The following COL11A1 variants were observed in gnomAD, a reference collection of about 807,000 sequenced individuals.
The protein encoded by COL11A1 is collagen type XI alpha 1 chain, also known as collagen alpha-1(XI) chain.
COL11A1 carries 74 observed loss-of-function variants against 265.2 expected under a neutral mutation model. The observed-to-expected ratio is 0.28, with a 90% confidence interval of 0.23 to 0.34. COL11A1 has a LOEUF of 0.34. Ranked by LOEUF, COL11A1 falls within the 10% of genes least tolerant of loss-of-function variation. The probability of loss-of-function intolerance (pLI) is 1.00; values close to 1 mark genes in which losing one functional copy is unlikely to be tolerated. For missense variants in COL11A1, 2,165 were observed against 2,263.6 expected, an observed-to-expected ratio of 0.96 and a Z score of 0.88; for synonymous variants, 816 against 727.6, an observed-to-expected ratio of 1.12 and a Z score of -1.96.
chr1:103,045,315 G>T (rs1669157597), intron 4 of COL11A1, among the ~76,000 whole-genome samples: 1 of 152,102 alleles, frequency 6.6e-6, no homozygotes, highest in Non-Finnish European at 1.5e-5. Context: ...TTGTTCTTTT[G>T]GCCAGGTGCT....
At chr1:102,945,085 G>A (rs1284553874) in intron 42 of COL11A1, among the ~76,000 whole-genome samples, 3 of 151,822 alleles carry the variant, frequency 2.0e-5, no homozygotes, top group African/African-American at 7.3e-5. Context: ...GTTTGAATGT[G>A]TCACCAAAAA....
chr1:103,054,522 A>G (rs1261744505), intron 4 of COL11A1, among the ~76,000 whole-genome samples: 1 of 152,118 alleles, frequency 6.6e-6, no homozygotes, highest in Non-Finnish European at 1.5e-5. Flanking sequence ...TGTTAACCAT[A>G]TCTGTGTTTT....
intron 35 of COL11A1, among the ~76,000 whole-genome samples, chr1:102,978,347 CA>C (rs1662703035): frequency 6.6e-6 from 1 of 152,030 alleles, no homozygotes; most frequent in South Asian, 2.1e-4. Flanking sequence ...ATTTTGCTGC[CA>C]GCTCTGTGAA....
At chr1:103,023,037 T>G (rs770441039) in intron 7 of COL11A1, 41 bp from the exon 8 acceptor site, 2 of 1,594,096 alleles carry the variant, frequency 1.3e-6, no homozygotes, top group South Asian at 1.1e-5. Flanking sequence ...ACATGAAGTT[T>G]ATTGTTAGTA....
chr1:103,047,814 G>T (rs191500398), intron 4 of COL11A1, among the ~76,000 whole-genome samples: 8 of 152,196 alleles, frequency 5.3e-5, no homozygotes, highest in East Asian at 1.9e-4. Flanking sequence ...TAGCATGAAG[G>T]GTTGTTGAAT....
At chr1:102,931,746 T>G in intron 46 of COL11A1, among the ~76,000 whole-genome samples, 1 of 152,070 alleles carries the variant, frequency 6.6e-6, no homozygotes, top group East Asian at 1.9e-4. Context: ...TGTAGGTCAC[T>G]CAGGACTTGC....
chr1:103,102,309 G>A (rs1415356), intron 1 of COL11A1, among the ~76,000 whole-genome samples: 144,437 of 152,144 alleles, frequency 0.95, 68,989 homozygotes, highest in Non-Finnish European at 1. Flanking sequence ...TAGAAAGTGC[G>A]TTAGTGTATA....
chr1:103,100,109 T>C (rs531537618), intron 1 of COL11A1: 1 of 152,050 alleles, frequency 6.6e-6, no homozygotes, highest in Non-Finnish European at 1.5e-5. Flanking sequence ...AGAAGAAGAC[T>C]GACATAAGTG....
chr1:102,899,528 C>T (rs1652909102), intron 54 of COL11A1, among the ~76,000 whole-genome samples: 1 of 151,618 alleles, frequency 6.6e-6, no homozygotes, highest in Non-Finnish European at 1.5e-5. Context: ...ATGCAGTTCA[C>T]ATAAATAGGT....
chr1:103,046,456 G>A (rs990577373), intron 4 of COL11A1, among the ~76,000 whole-genome samples: 15 of 151,616 alleles, frequency 9.9e-5, no homozygotes, highest in African/African-American at 3.6e-4. Flanking sequence ...GGGGTTGTTA[G>A]TTTTTTTCTT....
chr1:103,105,825 T>A (rs1674648792), intron 1 of COL11A1, among the ~76,000 whole-genome samples: 1 of 152,174 alleles, frequency 6.6e-6, no homozygotes, highest in African/African-American at 2.4e-5. Flanking sequence ...ATTCCCTTTT[T>A]GAAGTTAATT....
At chr1:103,052,830 G>A (rs1034163941) in intron 4 of COL11A1, among the ~76,000 whole-genome samples, 1 of 152,062 alleles carries the variant, frequency 6.6e-6, no homozygotes, top group Non-Finnish European at 1.5e-5. Flanking sequence ...CTCCTGGAAT[G>A]GTAAAGTAAT....
chr1:103,095,364 G>GA (rs1056529181), intron 1 of COL11A1, among the ~76,000 whole-genome samples: 3 of 151,888 alleles, frequency 2.0e-5, no homozygotes, highest in Admixed American at 6.6e-5. Context: ...TAGTACTAAG[G>GA]AAAAAATGAA....
Position 102,889,479 on chromosome 1 carries a change from T to A in COL11A1, c.4440A>T (p.Gly1480=), listed in dbSNP as rs753455066. ...CCCCATCCCCTTTTGCTCCTGGAGA[T>A]CCTTGAGTTCCAGGGAGCCCTCGGT... is the stretch of plus-strand genomic sequence containing the variant. ...KGDRGLPGTQ[G]SPGAKGDGGI... Residue 1480 remains glycine, a synonymous_variant, in exon 59 of 67, where the codon GGA becomes GGT. Transcript: ENST00000370096. 6 of 1,613,534 alleles carry A rather than the reference T, an allele frequency of 3.7e-6. No homozygotes were observed. The highest frequency in any genetic ancestry group is 4.2e-6 in the Non-Finnish European group (5 of 1,179,790).
At chr1:102,912,473 A>G (rs894367164) in intron 53 of COL11A1, among the ~76,000 whole-genome samples, 4 of 152,202 alleles carry the variant, frequency 2.6e-5, no homozygotes, top group African/African-American at 9.7e-5. Flanking sequence ...GTCCTATTAA[A>G]AAGTGCTAAT....
At position 102,962,003 on chromosome 1, in the gene COL11A1, G is replaced by T. The variant is rs1660957032; in HGVS notation, c.3115-84C>A. 4 of 1,273,958 alleles carry T rather than the reference G, an allele frequency of 3.1e-6. No homozygotes were observed. In the South Asian group the frequency reaches 3.8e-5, roughly 12 times the overall value. 78.9% of individuals were successfully genotyped at this position (1,273,958 alleles called of 1,614,324 possible). ...GGAGATATCTGATTAGTAAAATAAG[G>T]ATGTCAGGTAATGTTTATAGACATA... On this transcript the variant is annotated intron_variant, in intron 40 of 66. Coordinates refer to ENST00000370096, the MANE Select transcript of COL11A1 (RefSeq NM_001854.4).
At chr1:103,037,284 G>GTA (rs1487744772) in intron 4 of COL11A1, among the ~76,000 whole-genome samples, 1 of 141,802 alleles carries the variant, frequency 7.1e-6, no homozygotes, top group East Asian at 2.0e-4. Flanking sequence ...GTGTGTGTGT[G>GTA]TGTAAAGAAT....
chr1:102,924,185 C>T lies in COL11A1; in HGVS notation c.3601-796G>A, dbSNP rs556357983. 3.3e-5 allele frequency among the ~76,000 whole-genome samples: 5 copies of T among 152,240 alleles called. No individual in the cohort carries two copies. In the East Asian group the frequency reaches 9.7e-4, roughly 29 times the overall value. On this transcript the variant is annotated intron_variant, in intron 46 of 66. Coordinates refer to ENST00000370096, the MANE Select transcript of COL11A1 (RefSeq NM_001854.4). ...GCAGTGAACCAAGATCGTGCCACTGCACTCCAACCTGGGTGACAGAGCAAG... is the reference window on the plus strand; with the variant it reads ...GCAGTGAACCAAGATCGTGCCACTGTACTCCAACCTGGGTGACAGAGCAAG...
chr1:103,078,533 T>A, intron 3 of COL11A1, 125 bp downstream of exon 3: 1 of 808,868 alleles, frequency 1.2e-6, no homozygotes, highest in Non-Finnish European at 2.1e-6. Flanking sequence ...TTATGTATTT[T>A]TTGCTCATTT....
Sources: allele counts gnomAD v4.1 joint callset (sites outside exome capture counted in the v4.1 genomes callset), GRCh38; gene constraint gnomAD v4.1.1; transcripts MANE v1.5; gene names NCBI Gene and HGNC (gene_info 2026-07-23, HGNC 2026-07-21).